The following ADAM18 variants were observed in gnomAD, a reference collection of about 807,000 sequenced individuals.
ADAM18 encodes the protein ADAM metallopeptidase domain 18.
ADAM18 carries 117 observed loss-of-function variants against 94.4 expected under a neutral mutation model. The ratio of observed to expected loss-of-function variants is 1.24; its 90% CI spans 1.07 to 1.45. ADAM18 has a LOEUF of 1.45. Ranked by LOEUF, ADAM18 falls within the 40% of genes most tolerant of loss-of-function variation. ADAM18 has a pLI of 0.00. For missense variants in ADAM18, 936 were observed against 880.0 expected (o/e 1.06, Z -0.81); for synonymous variants, 327 against 291.6 (o/e 1.12, Z -1.24).
At chr8:39,643,612 A>G (rs1429117969) in intron 10 of ADAM18, among the ~76,000 whole-genome samples, 1 of 152,060 alleles carries the variant, frequency 6.6e-6, no homozygotes, top group African/African-American at 2.4e-5. Context: ...ATCAAAATGA[A>G]CAGAGTGGTT....
intron 17 of ADAM18, among the ~76,000 whole-genome samples, chr8:39,697,429 T>G (rs2129581003): frequency 6.6e-6 from 1 of 151,858 alleles, no homozygotes; most frequent in South Asian, 2.1e-4. Flanking sequence ...GTGTTTTTAT[T>G]TACATTTCTC....
At chr8:39,657,098 T>C (rs1362901158) in intron 12 of ADAM18, among the ~76,000 whole-genome samples, 2 of 152,120 alleles carry the variant, frequency 1.3e-5, no homozygotes, top group Non-Finnish European at 2.9e-5. Context: ...ATATTCTTCT[T>C]CAGCAAAATG....
chr8:39,669,582 G>A (rs889498001), intron 14 of ADAM18, among the ~76,000 whole-genome samples: 1 of 149,638 alleles, frequency 6.7e-6, no homozygotes, highest in African/African-American at 2.5e-5. Flanking sequence ...TTTTGTCCTT[G>A]CCATAGTTTG....
At position 39,645,470 on chromosome 8, in the gene ADAM18, G is replaced by A; in HGVS notation, c.1042G>A (p.Ala348Thr). 1 of 1,609,000 alleles carries A rather than the reference G, an allele frequency of 6.2e-7. No homozygotes were observed. The highest frequency in any genetic ancestry group is 8.5e-7 in the Non-Finnish European group (1 of 1,178,332). The change falls in exon 11 of 20, where the codon GCA (alanine) becomes ACA (threonine). Residue 348 changes from alanine to threonine, a missense_variant. Physicochemically the swap from Ala to Thr is moderately conservative, Grantham distance 58 (BLOSUM62 0). Coordinates refer to ENST00000265707, the MANE Select transcript of ADAM18 (RefSeq NM_014237.3). ...AGCTACATGCATCATGAATCATGAAGCAGTGTAAGATGTTTTCTTAATTAA... is the reference window on the plus strand; with the variant it reads ...AGCTACATGCATCATGAATCATGAAACAGTGTAAGATGTTTTCTTAATTAA... ...LRATCIMNHE[A>T]VSASGRKIFS...
intron 2 of ADAM18, among the ~76,000 whole-genome samples, chr8:39,590,473 C>A (rs929718621): frequency 6.6e-6 from 1 of 152,100 alleles, no homozygotes; most frequent in Non-Finnish European, 1.5e-5. Flanking sequence ...ATTGGGAGAT[C>A]TACCTAATGC....
Position 39,648,452 on chromosome 8 carries a change from A to G in ADAM18, c.1155A>G (p.Pro385=), listed in dbSNP as rs1224820547. 2 of 1,613,126 alleles carry G rather than the reference A, an allele frequency of 1.2e-6. No individual in the cohort carries two copies. The highest frequency in any genetic ancestry group is 8.5e-7 in the Non-Finnish European group (1 of 1,179,552). The part of the protein sequence containing the change: ...KCLQKLSNLQ[P]LHQNQPVCGN... ...TTCAGAAGCTTTCAAATTTGCAACC[A>G]TTACATCAAAATCAACCAGTGTGTG... is the stretch of plus-strand genomic sequence containing the variant. Residue 385 remains proline, a synonymous_variant, in exon 12 of 20, where the codon CCA becomes CCG. Coordinates refer to ENST00000265707, the MANE Select transcript of ADAM18 (RefSeq NM_014237.3).
chr8:39,663,642 A>C (rs1820909660), intron 12 of ADAM18, among the ~76,000 whole-genome samples, 153 bp from the exon 13 acceptor site: 5 of 150,308 alleles, frequency 3.3e-5, no homozygotes, highest in African/African-American at 9.7e-5. Flanking sequence ...AAGAAAAGAA[A>C]TGGTAAACTA....
At chr8:39,678,670 G>A (rs1821359113) in intron 15 of ADAM18, among the ~76,000 whole-genome samples, 1 of 152,028 alleles carries the variant, frequency 6.6e-6, no homozygotes, top group Admixed American at 6.6e-5. Flanking sequence ...GATGTCCAGA[G>A]GCACATCTGC....
intron 13 of ADAM18, among the ~76,000 whole-genome samples, chr8:39,665,425 A>C (rs1820970322): frequency 6.6e-6 from 1 of 152,184 alleles, no homozygotes. Context: ...ATATTTGTGC[A>C]TGAACATAGT....
At chr8:39,694,081 A>T (rs984444211) in intron 17 of ADAM18, among the ~76,000 whole-genome samples, 1 of 151,342 alleles carries the variant, frequency 6.6e-6, no homozygotes, top group Admixed American at 6.6e-5. Context: ...TAATCTAAGC[A>T]TCAGTATAAA....
chr8:39,664,789 A>G (rs986391460), intron 13 of ADAM18, among the ~76,000 whole-genome samples: 1 of 152,202 alleles, frequency 6.6e-6, no homozygotes, highest in Non-Finnish European at 1.5e-5. Context: ...GTTAGTAAAT[A>G]TGGACTAAAT....
chr8:39,616,976 G>T (rs1309181408), intron 6 of ADAM18, among the ~76,000 whole-genome samples: 1 of 152,074 alleles, frequency 6.6e-6, no homozygotes, highest in Non-Finnish European at 1.5e-5. Context: ...TTATGATGAA[G>T]ATACCAAAAG....
At chr8:39,598,983 G>A (rs1818824774) in intron 2 of ADAM18, among the ~76,000 whole-genome samples, 1 of 151,834 alleles carries the variant, frequency 6.6e-6, no homozygotes, top group Admixed American at 6.6e-5. Flanking sequence ...GGCTAATGTT[G>A]TATTTTTAGT....
rs113613462 is a variant in ADAM18, at chr8:39,588,232, T to TG, written c.132+2880_132+2881insG. Among the ~76,000 whole-genome samples the TG allele has an allele frequency of 7.8e-3, 672 of 86,038 alleles. 5 individuals carry two copies. The highest frequency in any genetic ancestry group is 0.018 in the African/African-American group (406 of 22,542). The allele number at this position is 86,038 out of a possible 152,430, so 56.4% of individuals were successfully genotyped here. On this transcript the variant is annotated intron_variant, in intron 2 of 19. Transcript: ENST00000265707. ...TGCTTTTGTTTGTGGGTGTGGGTTT[T>TG]TTTTTTTTTTTTTAACAAAACCCAT... is the stretch of plus-strand genomic sequence containing the variant.
chr8:39,640,818 T>A (rs1176321676), intron 10 of ADAM18, among the ~76,000 whole-genome samples: 1 of 151,810 alleles, frequency 6.6e-6, no homozygotes, highest in East Asian at 1.9e-4. Context: ...GCCACATATT[T>A]TTTTTTTATG....
At chr8:39,692,051 C>T (rs989737026) in intron 16 of ADAM18, among the ~76,000 whole-genome samples, 3 of 151,800 alleles carry the variant, frequency 2.0e-5, no homozygotes, top group African/African-American at 7.2e-5. Context: ...TGAGGCAAAA[C>T]ACCACATATC....
In ADAM18 at chr8:39,680,231, C is replaced by CA. The variant is rs1554511858; in HGVS notation, c.1821+9dup. ...ACCATGTGTGGTCCAGAAATGGTAA[C>CA]AAAATGTGATAATTTATATTCAGCT... On this transcript the variant is annotated splice_donor_region_variant and intron_variant, in intron 16 of 19. Coordinates refer to ENST00000265707, the MANE Select transcript of ADAM18 (RefSeq NM_014237.3). 2 of 1,604,998 alleles carry CA rather than the reference C, an allele frequency of 1.2e-6. No homozygotes were observed. The highest frequency in any genetic ancestry group is 1.1e-5 in the South Asian group (1 of 89,772).
chr8:39,643,485 A>G (rs923696990), intron 10 of ADAM18, among the ~76,000 whole-genome samples: 1 of 151,970 alleles, frequency 6.6e-6, no homozygotes, highest in African/African-American at 2.4e-5. Flanking sequence ...TTGGGTTTTG[A>G]TATATTAGGG....
chr8:39,596,303 G>A (rs1818739870), intron 2 of ADAM18, among the ~76,000 whole-genome samples: 1 of 152,128 alleles, frequency 6.6e-6, no homozygotes, highest in Non-Finnish European at 1.5e-5. Context: ...TAAGTTCACT[G>A]TTCTAAAACT....
Sources: gnomAD v4.1 joint callset for allele counts (sites outside exome capture counted in the v4.1 genomes callset) on GRCh38, gnomAD v4.1.1 for gene constraint, MANE v1.5 for transcripts, NCBI Gene and HGNC (gene_info 2026-07-23, HGNC 2026-07-21) for gene names.